The following GOLM2 variants were observed in gnomAD, a reference collection of about 807,000 sequenced individuals.
GOLM2 encodes the protein golgi membrane protein 2, also known as protein GOLM2.
A neutral mutation model predicts 55.9 loss-of-function variants in GOLM2; 26 were observed. The observed-to-expected ratio is 0.47, with a 90% CI of 0.34 to 0.65. The LOEUF (loss-of-function observed/expected upper bound fraction) is 0.65. GOLM2 is among the 30% of genes least tolerant of loss of function. The pLI is 0.01. For missense variants in GOLM2, 486 were observed against 531.8 expected (o/e 0.91, Z 0.85); for synonymous variants, 165 against 194.6 (o/e 0.85, Z 1.27).
chr15:44,344,939 T>G (rs1029205352), intron 6 of GOLM2, among the ~76,000 whole-genome samples: 2 of 147,580 alleles, frequency 1.4e-5, no homozygotes, highest in Non-Finnish European at 3.0e-5. Context: ...CACAAGTAGC[T>G]GGGACTACAG....
intron 1 of GOLM2, among the ~76,000 whole-genome samples, chr15:44,296,398 A>C (rs1260587371): frequency 6.6e-6 from 1 of 152,224 alleles, no homozygotes; most frequent in Non-Finnish European, 1.5e-5. Flanking sequence ...TTTGAAGCTG[A>C]ATAGTAAATG....
At chr15:44,411,854 G>A (rs960955559) in intron 9 of GOLM2, among the ~76,000 whole-genome samples, 6 of 149,710 alleles carry the variant, frequency 4.0e-5, no homozygotes, top group Admixed American at 6.7e-5. Context: ...AAAAATCCAT[G>A]TACTCCAAAG....
At chr15:44,352,678 G>A (rs528467381) in intron 6 of GOLM2, among the ~76,000 whole-genome samples, 1 of 152,142 alleles carries the variant, frequency 6.6e-6, no homozygotes, top group African/African-American at 2.4e-5. Context: ...TTGGGAGGCC[G>A]GCAGATCACC....
intron 8 of GOLM2, among the ~76,000 whole-genome samples, chr15:44,391,858 A>G (rs999527876): frequency 2.0e-5 from 3 of 151,970 alleles, no homozygotes; most frequent in Non-Finnish European, 4.4e-5. Context: ...TTATTTATTT[A>G]TTTATTTTTG....
intron 1 of GOLM2, among the ~76,000 whole-genome samples, chr15:44,302,376 C>T (rs758275655): frequency 6.6e-5 from 10 of 152,000 alleles, no homozygotes; most frequent in Non-Finnish European, 1.3e-4. Flanking sequence ...AACTCCTGGC[C>T]TCAAGTGATC....
At chr15:44,379,843 A>G in intron 7 of GOLM2, 55 bp downstream of exon 7, 2 of 950,526 alleles carry the variant, frequency 2.1e-6, no homozygotes, top group East Asian at 4.8e-5. Flanking sequence ...AGTCATGTAC[A>G]GTTATATAGT....
In GOLM2 at chr15:44,337,825, A is replaced by G. The variant is rs2079067265; in HGVS notation, c.639A>G (p.Val213=). Residue 213 remains valine (V), a synonymous_variant, in exon 5 of 10, where the codon GTA becomes GTG. Transcript: ENST00000299957. ...GKELDINNQV[V]PKNIPKVAEN... ...AATTGGATATAAACAATCAAGTAGT[A>G]CCTAAAAATATTCCAAAAGTAGCTG... 9 of 1,605,852 alleles carry G rather than the reference A, an allele frequency of 5.6e-6. No homozygotes were observed. Among genetic ancestry groups the G allele is most frequent in the Non-Finnish European group, 7.6e-6 (9 of 1,177,778 alleles).
chr15:44,304,603 GA>G (rs1436983547), intron 1 of GOLM2, among the ~76,000 whole-genome samples: 3 of 151,898 alleles, frequency 2.0e-5, no homozygotes, highest in African/African-American at 7.3e-5. Context: ...CACTTAGGCT[GA>G]ATGCAGTGGT....
chr15:44,332,216 T>C (rs1377839743), intron 4 of GOLM2, 138 bp downstream of exon 4: 14 of 547,104 alleles, frequency 2.6e-5, no homozygotes, highest in Middle Eastern at 5.0e-4. Context: ...TGATTTACAA[T>C]GGCTTTATTT....
chr15:44,328,456 T>G (rs781226352), intron 2 of GOLM2, among the ~76,000 whole-genome samples: 3 of 152,192 alleles, frequency 2.0e-5, no homozygotes, highest in Non-Finnish European at 4.4e-5. Flanking sequence ...CTAACCTGAG[T>G]GACAGAGCAA....
chr15:44,301,414 C>G (rs2078796514), intron 1 of GOLM2, among the ~76,000 whole-genome samples: 1 of 152,138 alleles, frequency 6.6e-6, no homozygotes, highest in Admixed American at 6.6e-5. Flanking sequence ...ATCTTTAACC[C>G]CATTTTAATT....
intron 8 of GOLM2, among the ~76,000 whole-genome samples, chr15:44,392,034 G>T (rs1044243239): frequency 1.3e-5 from 2 of 151,842 alleles, no homozygotes; most frequent in Admixed American, 6.6e-5. Flanking sequence ...ATTTTTAGTA[G>T]AGACAGGGTT....
At chr15:44,306,156 C>T (rs573361901) in intron 1 of GOLM2, among the ~76,000 whole-genome samples, 1 of 152,308 alleles carries the variant, frequency 6.6e-6, no homozygotes, top group African/African-American at 2.4e-5. Context: ...GCATCTTCTT[C>T]CAATAGAAGG....
chr15:44,379,617 GGT>G, intron 6 of GOLM2, 71 bp from the exon 7 acceptor site: 1 of 716,704 alleles, frequency 1.4e-6, no homozygotes. Flanking sequence ...GATTCACGGT[GGT>G]TTTTTTTTTT....
chr15:44,302,830 C>T (rs1227574825), intron 1 of GOLM2, among the ~76,000 whole-genome samples: 1 of 152,064 alleles, frequency 6.6e-6, no homozygotes, highest in Non-Finnish European at 1.5e-5. Context: ...CTAGGCTGGG[C>T]GCAGTGGCTT....
At chr15:44,333,620 A>G (rs181105801) in intron 4 of GOLM2, among the ~76,000 whole-genome samples, 6 of 152,326 alleles carry the variant, frequency 3.9e-5, no homozygotes, top group African/African-American at 9.6e-5. Context: ...TCAAAAGAAC[A>G]TAATGGAACA....
chr15:44,377,654 G>A (rs573999627), intron 6 of GOLM2, among the ~76,000 whole-genome samples: 7 of 152,272 alleles, frequency 4.6e-5, no homozygotes, highest in East Asian at 3.9e-4. Flanking sequence ...AATTACAGGC[G>A]TGAGCCACCT....
chr15:44,315,098 C>A (rs867597876), intron 1 of GOLM2, among the ~76,000 whole-genome samples: 1 of 152,142 alleles, frequency 6.6e-6, no homozygotes, highest in Non-Finnish European at 1.5e-5. Context: ...TGGGCCTTTC[C>A]CAGACTACTG....
chr15:44,359,535 C>T (rs914103107), intron 6 of GOLM2, among the ~76,000 whole-genome samples: 7 of 152,168 alleles, frequency 4.6e-5, no homozygotes, highest in Non-Finnish European at 8.8e-5. Context: ...TTGCAGTGAG[C>T]TGAGATTGCA....
Sources: allele counts gnomAD v4.1 joint callset (sites outside exome capture counted in the v4.1 genomes callset), GRCh38; gene constraint gnomAD v4.1.1; transcripts MANE v1.5; gene names NCBI Gene and HGNC (gene_info 2026-07-23, HGNC 2026-07-21).